Variants in RORA observed in about 807,000 individuals in gnomAD.
The protein encoded by RORA is RAR related orphan receptor A.
RORA carries 7 observed loss-of-function variants against 69.5 expected under a neutral mutation model. The observed-to-expected ratio is 0.10, with a 90% CI of 0.06 to 0.19. The LOEUF is 0.19. RORA is among the 10% of genes least tolerant of loss of function. The probability of loss-of-function intolerance (pLI) is 1.00; values close to 1 mark genes in which losing one functional copy is unlikely to be tolerated. For synonymous variants in RORA, 261 were observed against 240.8 expected, an observed-to-expected ratio of 1.08 and a Z score of -0.78; for missense variants, 457 against 663.0, an observed-to-expected ratio of 0.69 and a Z score of 3.41.
chr15:61,074,399 G>A (rs574293572), intron 1 of RORA, among the ~76,000 whole-genome samples: 40 of 152,264 alleles, frequency 2.6e-4, no homozygotes, highest in African/African-American at 4.6e-4. Flanking sequence ...ACCCTGCCCC[G>A]CAGTAGCCAA....
chr15:60,695,287 C>T (rs190256819), intron 1 of RORA, among the ~76,000 whole-genome samples: 73 of 152,298 alleles, frequency 4.8e-4, no homozygotes, highest in Non-Finnish European at 8.4e-4. Context: ...TTTAGGGACA[C>T]TGAAAAAATT....
At chr15:60,656,367 AC>A (rs2070222379) in intron 2 of RORA, among the ~76,000 whole-genome samples, 1 of 152,218 alleles carries the variant, frequency 6.6e-6, no homozygotes, top group South Asian at 2.1e-4. Flanking sequence ...AAACAGACAG[AC>A]ACCAATCTTG....
chr15:61,228,304 C>T lies in RORA; in HGVS notation c.166+749G>A, dbSNP rs578139802. ...TGGCGCGCACACGCCCCCCGCCAGC[C>T]TGGGCGCCGGGCTCCGAACCCCCGG... On this transcript the variant is annotated intron_variant, in intron 1 of 10. Coordinates refer to ENST00000335670, the MANE Select transcript of RORA (RefSeq NM_134261.3). Among the ~76,000 whole-genome samples, 479 of 151,960 alleles carry T rather than the reference C, an allele frequency of 3.2e-3. 4 individuals are homozygous for T. Among genetic ancestry groups the T allele is most frequent in the African/African-American group, 0.011 (457 of 41,438 alleles).
rs534985079 is a variant in RORA at position 60,502,660 on chromosome 15, C to G, written c.1183+100G>C. The G allele has an allele frequency of 1.4e-4, 113 of 805,516 alleles. 1 individual carries two copies. In the Admixed American group the frequency reaches 2.2e-3, roughly 15 times the overall value. The allele number at this position is 805,516 out of a possible 1,614,324, so 49.9% of individuals were successfully genotyped here. On this transcript the variant is annotated intron_variant, in intron 8 of 10. Coordinates refer to ENST00000335670, the MANE Select transcript of RORA (RefSeq NM_134261.3). ...GTATAAAACCCCTTAATTTTTGTTT[C>G]TAAATAAAGTTTTCATTTTGTCCAA...
intron 1 of RORA, among the ~76,000 whole-genome samples, chr15:61,205,255 T>G (rs941267162): frequency 1.3e-5 from 2 of 152,164 alleles, no homozygotes; most frequent in South Asian, 4.1e-4. Context: ...TTCAGCAACT[T>G]CTCTGTTAGC....
At position 60,534,198 on chromosome 15, in the gene RORA, C is replaced by T. The variant is rs1388008675; in HGVS notation, c.197-2347G>A. 6.6e-6 allele frequency among the ~76,000 whole-genome samples: 1 copy of T among 152,166 alleles called. No individual in the cohort carries two copies. The highest frequency in any genetic ancestry group is 1.5e-5 in the Non-Finnish European group (1 of 68,032). ...CAAGATGCCTGCCTGGCACGGAGGTCTGCTCATGATGGGGGTGGCCTTGGG... is the reference window on the plus strand; with the variant it reads ...CAAGATGCCTGCCTGGCACGGAGGTTTGCTCATGATGGGGGTGGCCTTGGG... On this transcript the variant is annotated intron_variant, in intron 2 of 10. Transcript: ENST00000335670. This position sits in a 1 kb window ranked among gnomAD's most constrained non-coding sequence, Gnocchi z 5.0.
intron 2 of RORA, among the ~76,000 whole-genome samples, chr15:60,532,818 A>G (rs552400729): frequency 6.4e-4 from 97 of 152,308 alleles, no homozygotes; most frequent in African/African-American, 2.2e-3. Context: ...ATTACGCTAA[A>G]TTCATTTTCC....
At chr15:60,501,106 A>G in intron 8 of RORA, 37 bp from the exon 9 acceptor site, 1 of 1,272,882 alleles carries the variant, frequency 7.9e-7, no homozygotes, top group Non-Finnish European at 1.1e-6. Flanking sequence ...TAGAATTTTG[A>G]TTATTGTCTT....
At chr15:61,138,149 T>TGA (rs2079262607) in intron 1 of RORA, among the ~76,000 whole-genome samples, 1 of 152,182 alleles carries the variant, frequency 6.6e-6, no homozygotes, top group Admixed American at 6.5e-5. Context: ...TGGAATAGGA[T>TGA]GAGAACAAAG....
At chr15:61,206,457 C>G (rs1259093038) in intron 1 of RORA, among the ~76,000 whole-genome samples, 1 of 152,128 alleles carries the variant, frequency 6.6e-6, no homozygotes, top group Non-Finnish European at 1.5e-5. Context: ...GTGGACAACC[C>G]CACGACATCC....
rs1311479462 is a variant in RORA, at chr15:61,147,936, TTTTATCAGGA to T, written c.166+81107_166+81116del. 6.6e-5 allele frequency among the ~76,000 whole-genome samples: 10 copies of T among 152,098 alleles called. No individual in the cohort carries two copies. Among genetic ancestry groups the T allele is most frequent in the African/African-American group, 2.4e-4 (10 of 41,390 alleles). On this transcript the variant is annotated intron_variant, in intron 1 of 10. Coordinates refer to ENST00000335670, the MANE Select transcript of RORA (RefSeq NM_134261.3). This position sits in a 1 kb window ranked among gnomAD's most constrained non-coding sequence, Gnocchi z 4.1. ...CCAGAATTACCTTAAGAAATAGGCA[TTTTATCAGGA>T]AGGTTATGGAGAGCCACTAGGGGAC...
chr15:60,917,845 C>G (rs1453235451), intron 1 of RORA, among the ~76,000 whole-genome samples: 2 of 152,170 alleles, frequency 1.3e-5, no homozygotes, highest in Non-Finnish European at 2.9e-5. Context: ...GGTAAGAGTT[C>G]AGTGCTGGGT....
At position 60,511,785 on chromosome 15, in the gene RORA, C is replaced by G. The variant is rs1298106358; in HGVS notation, c.425-164G>C. 6.6e-6 allele frequency among the ~76,000 whole-genome samples: 1 copy of G among 152,172 alleles called. No individual in the cohort carries two copies. Among genetic ancestry groups the G allele is most frequent in the Non-Finnish European group, 1.5e-5 (1 of 68,030 alleles). ...GAGGTGAAAACAGTTCCAACCCACA[C>G]AGACTCGCTCCAGCTCCCCAACAGC... On this transcript the variant is annotated intron_variant, in intron 4 of 10. Coordinates refer to ENST00000335670, the MANE Select transcript of RORA (RefSeq NM_134261.3). This position sits in a 1 kb window ranked among gnomAD's most constrained non-coding sequence, Gnocchi z 6.4.
intron 1 of RORA, among the ~76,000 whole-genome samples, chr15:61,162,383 G>T (rs758599490): frequency 6.6e-6 from 1 of 152,108 alleles, no homozygotes; most frequent in East Asian, 1.9e-4. Context: ...ATCTTAGTCC[G>T]TATTTTAATA....
At chr15:60,921,104 C>T (rs1003094073) in intron 1 of RORA, among the ~76,000 whole-genome samples, 2 of 152,172 alleles carry the variant, frequency 1.3e-5, no homozygotes, top group Non-Finnish European at 2.9e-5. Context: ...TTTGTAGAGA[C>T]AAATGGGTGA....
chr15:60,599,066 C>T (rs973599322), intron 2 of RORA, among the ~76,000 whole-genome samples: 3 of 152,144 alleles, frequency 2.0e-5, no homozygotes, highest in South Asian at 2.1e-4. Flanking sequence ...GGCACATACT[C>T]GAAGTGTTCC....
At chr15:60,561,468 A>G (rs1004386099) in intron 2 of RORA, among the ~76,000 whole-genome samples, 10 of 152,100 alleles carry the variant, frequency 6.6e-5, no homozygotes, top group Non-Finnish European at 1.3e-4. Context: ...AAGTAATAAA[A>G]AAAAGTTAAA....
At chr15:60,959,815 T>TTTTTG (rs373525462) in intron 1 of RORA, among the ~76,000 whole-genome samples, 4 of 152,254 alleles carry the variant, frequency 2.6e-5, no homozygotes, top group Non-Finnish European at 4.4e-5. Context: ...AGAAGGCTTT[T>TTTTTG]TTTTGTTTTG....
intron 2 of RORA, among the ~76,000 whole-genome samples, chr15:60,575,053 G>C (rs1311798122): frequency 6.7e-6 from 1 of 149,724 alleles, no homozygotes; most frequent in Non-Finnish European, 1.5e-5. Context: ...TCTGCCTTCA[G>C]CTAAACCAGA....
Sources: gnomAD v4.1 joint callset for allele counts (sites outside exome capture counted in the v4.1 genomes callset) on GRCh38, gnomAD v4.1.1 for gene constraint, Gnocchi (gnomAD v3.1) non-coding constraint, MANE v1.5 for transcripts, NCBI Gene and HGNC (gene_info 2026-07-23, HGNC 2026-07-21) for gene names.